Variants in MIOS observed in about 807,000 individuals in gnomAD.
The protein encoded by MIOS is GATOR2 complex protein MIOS.
Under a neutral mutation model 96.9 loss-of-function variants are expected in MIOS, and 52 were observed. The ratio of observed to expected loss-of-function variants is 0.54; its 90% confidence interval spans 0.43 to 0.68. The LOEUF is 0.68. Among genes scored for constraint, MIOS ranks in the 30% least tolerant of loss-of-function variants. MIOS has a pLI of 0.00. For missense variants in MIOS, 1,005 were observed against 1,052.8 expected (o/e 0.95, Z 0.63); for synonymous variants, 397 against 359.5 (o/e 1.10, Z -1.18).
Position 7,588,498 on chromosome 7 carries a change from T to C in MIOS, c.1819T>C (p.Tyr607His). The change falls in exon 8 of 13, where the codon TAT (tyrosine) becomes CAT (histidine). Residue 607 changes from tyrosine (Y) to histidine (H), a missense_variant and splice_region_variant. Tyr to His is a moderately conservative substitution (Grantham distance 83). Transcript: ENST00000340080. ...TCCTTGCTTTTTCTCTTCTTTCCAGTATGAAAACAAAGTTGCAGTACGTGA... is the reference window on the plus strand; with the variant it reads ...TCCTTGCTTTTTCTCTTCTTTCCAGCATGAAAACAAAGTTGCAGTACGTGA... Reference protein sequence around the residue: ...SETGSYDGVLYENKVAVRDRV... With the variant: ...SETGSYDGVLHENKVAVRDRV... 1 of 1,573,204 alleles carries C rather than the reference T, an allele frequency of 6.4e-7. No individual in the cohort carries two copies. The highest frequency in any genetic ancestry group is 8.6e-7 in the Non-Finnish European group (1 of 1,157,658).
intron 5 of MIOS, among the ~76,000 whole-genome samples, chr7:7,574,426 T>C (rs1416320450): frequency 6.6e-6 from 1 of 152,184 alleles, no homozygotes; most frequent in East Asian, 1.9e-4. Flanking sequence ...GTTGATCTTC[T>C]TAAATCTATC....
chr7:7,573,598 T>C lies in MIOS; in HGVS notation c.1123T>C (p.Tyr375His). ...SLMWACGRHL[Y>H]ECTEEENDNS... ...AATGTGGGCTTGTGGTCGTCATTTA[T>C]ATGAATGTACGGAAGAAGAAAATGA... is the stretch of plus-strand genomic sequence containing the variant. The change falls in exon 4 of 13, where the codon TAT becomes CAT. Residue 375 changes from tyrosine (Y) to histidine (H), a missense_variant. Tyr to His is a moderately conservative substitution (Grantham distance 83). Transcript: ENST00000340080. This position sits in a 1 kb window ranked among gnomAD's most constrained non-coding sequence, Gnocchi z 5.0. 1 of 1,614,104 alleles carries C rather than the reference T, an allele frequency of 6.2e-7. No homozygotes were observed.
chr7:7,597,657 TATATAC>T (rs199759280), intron 11 of MIOS, among the ~76,000 whole-genome samples: 3,906 of 151,578 alleles, frequency 0.026, 85 homozygotes, highest in Non-Finnish European at 0.038. Context: ...CAATTTGGAA[TATATAC>T]ATATACACAC....
At chr7:7,590,521 G>C (rs528727431) in intron 9 of MIOS, among the ~76,000 whole-genome samples, 2 of 152,270 alleles carry the variant, frequency 1.3e-5, no homozygotes, top group Admixed American at 1.3e-4. Flanking sequence ...AATCCAGTCT[G>C]ATAATTGCTG....
At chr7:7,585,030 G>A (rs1324531881) in intron 6 of MIOS, among the ~76,000 whole-genome samples, 1 of 152,066 alleles carries the variant, frequency 6.6e-6, no homozygotes, top group Non-Finnish European at 1.5e-5. Context: ...TCTGCACTTT[G>A]CATTGACACT....
At position 7,605,930 on chromosome 7, in the gene MIOS, ATT is replaced by A; in HGVS notation, c.2402-9_2402-8del. On this transcript the variant is annotated splice_polypyrimidine_tract_variant and intron_variant, in intron 11 of 12. Coordinates refer to ENST00000340080, the MANE Select transcript of MIOS (RefSeq NM_019005.4). ...TGATATAGTTAATGAAGATCATTTT[ATT>A]TTGTCATAGGAGGAACCAAATCAGA... is the stretch of plus-strand genomic sequence containing the variant. 1.2e-6 allele frequency: 2 copies of A among 1,609,954 alleles called. No homozygotes were observed. Among genetic ancestry groups the A allele is most frequent in the South Asian group, 2.2e-5 (2 of 90,498 alleles).
In MIOS at chr7:7,595,125, T is replaced by C. The variant is rs765700105; in HGVS notation, c.2189T>C (p.Leu730Ser). The stretch of plus-strand genomic sequence containing the variant: ...AAGTTGGATCCCAGTTCCAAGCCTT[T>C]AGCACAAGTAAGTACATTGTTTTGG... ...RSKLDPSSKPLAQVFVSCNFC... is the reference protein window; with the variant it reads ...RSKLDPSSKPSAQVFVSCNFC... Residue 730 changes from leucine to serine, a missense_variant, in exon 10 of 13, where the codon TTA becomes TCA. Leu to Ser is a moderately radical substitution (Grantham distance 145). This residue lies in a region of MIOS where 865 missense variants were observed against 887.9 expected (regional missense o/e 0.97). Coordinates refer to ENST00000340080, the MANE Select transcript of MIOS (RefSeq NM_019005.4). The C allele has an allele frequency of 6.8e-6, 11 of 1,610,222 alleles. No individual in the cohort carries two copies. In the East Asian group the frequency reaches 2.2e-4, roughly 33 times the overall value.
intron 9 of MIOS, among the ~76,000 whole-genome samples, chr7:7,592,616 C>G (rs1784080752): frequency 6.6e-6 from 1 of 151,994 alleles, no homozygotes; most frequent in Non-Finnish European, 1.5e-5. Context: ...ATGGTCCCAT[C>G]TGGGGATGAT....
At position 7,585,817 on chromosome 7, in the gene MIOS, T is replaced by G; in HGVS notation, c.1818+12T>G. ...ACGATGGAGTTTTGGTAAGCTAACT[T>G]GTTTTTTAAGATCTTCCTTTGAATT... On this transcript the variant is annotated intron_variant, in intron 7 of 12. Coordinates refer to ENST00000340080, the MANE Select transcript of MIOS (RefSeq NM_019005.4). 6.3e-7 allele frequency: 1 copy of G among 1,587,230 alleles called. No homozygotes were observed. The highest frequency in any genetic ancestry group is 1.2e-5 in the South Asian group (1 of 85,866).
chr7:7,591,228 G>C (rs1784039595), intron 9 of MIOS, among the ~76,000 whole-genome samples: 1 of 149,796 alleles, frequency 6.7e-6, no homozygotes, highest in Non-Finnish European at 1.5e-5. Context: ...TCTGGCCTCT[G>C]TTGTTTCTGA....
chr7:7,590,726 T>A (rs1241681150), intron 9 of MIOS, among the ~76,000 whole-genome samples: 1 of 152,214 alleles, frequency 6.6e-6, no homozygotes. Context: ...CTTTTCATTA[T>A]CTTTTTTAAA....
chr7:7,579,934 A>G (rs73674591), intron 5 of MIOS, among the ~76,000 whole-genome samples: 2 of 152,332 alleles, frequency 1.3e-5, no homozygotes, highest in South Asian at 4.1e-4. Flanking sequence ...ATTGTTCTCT[A>G]TTCTGTTCCA....
Position 7,607,841 on chromosome 7 carries a change from C to A in MIOS, c.*749C>A, listed in dbSNP as rs1784572752. On this transcript the variant is annotated 3_prime_UTR_variant, in exon 13 of 13. Coordinates refer to ENST00000340080, the MANE Select transcript of MIOS (RefSeq NM_019005.4). ...ATTTCAGGTGAACATACAAAATTTT[C>A]ACTTTCTACCTTTTGCCTTCCAATG... The A allele has an allele frequency of 6.6e-6, 1 of 152,116 alleles. No homozygotes were observed. The highest frequency in any genetic ancestry group is 2.1e-4 in the South Asian group (1 of 4,834). 9.4% of individuals were successfully genotyped at this position (152,116 alleles called of 1,614,324 possible).
intron 11 of MIOS, among the ~76,000 whole-genome samples, chr7:7,603,051 C>A (rs567561509): frequency 6.6e-6 from 1 of 152,062 alleles, no homozygotes; most frequent in African/African-American, 2.4e-5. Context: ...CTTCCTTACA[C>A]CTTATACAAA....
chr7:7,572,761 C>G lies in MIOS; in HGVS notation c.286C>G (p.His96Asp). The change falls in exon 4 of 13, where the codon CAT becomes GAT. Residue 96 changes from histidine (H) to aspartate (D), a missense_variant. His to Asp is a moderately conservative substitution (Grantham distance 81). Around this residue, in one of 3 missense-constraint regions of MIOS, gnomAD observed 137 missense variants for 148.6 expected, o/e 0.92. Coordinates refer to ENST00000340080, the MANE Select transcript of MIOS (RefSeq NM_019005.4). This position sits in a 1 kb window ranked among gnomAD's most constrained non-coding sequence, Gnocchi z 4.8. ...RVVLTSLGQD[H>D]NSKFKDLIGK... ...TGTACTTACAAGCCTTGGTCAAGAT[C>G]ATAACTCAAAGTTCAAAGATTTGAT... 6.2e-7 allele frequency: 1 copy of G among 1,614,106 alleles called. No homozygotes were observed. Among genetic ancestry groups the G allele is most frequent in the Middle Eastern group, 1.6e-4 (1 of 6,062 alleles).
At chr7:7,583,422 T>A (rs370742674) in intron 6 of MIOS, 50 bp downstream of exon 6, 20 of 1,468,426 alleles carry the variant, frequency 1.4e-5, no homozygotes, top group Non-Finnish European at 1.7e-5. Context: ...ATGTTAGCAG[T>A]TCATGGAATC....
At chr7:7,580,694 CTT>C (rs377207804) in intron 5 of MIOS, among the ~76,000 whole-genome samples, 2 of 129,970 alleles carry the variant, frequency 1.5e-5, no homozygotes. Flanking sequence ...ACTATTTTAC[CTT>C]TTTTTTTTTT....
intron 5 of MIOS, among the ~76,000 whole-genome samples, chr7:7,576,093 G>T (rs911981612): frequency 1.3e-5 from 2 of 152,120 alleles, no homozygotes; most frequent in Admixed American, 1.3e-4. Context: ...GTTTATTAGA[G>T]CATACAGCTA....
At chr7:7,606,599 C>T (rs1784537677) in intron 12 of MIOS, among the ~76,000 whole-genome samples, 1 of 152,106 alleles carries the variant, frequency 6.6e-6, no homozygotes, top group African/African-American at 2.4e-5. Context: ...TGAGCACATC[C>T]CTGTCACCTT....
Sources: allele counts gnomAD v4.1 joint callset (sites outside exome capture counted in the v4.1 genomes callset), GRCh38; gene constraint gnomAD v4.1.1; regional missense constraint gnomAD v4.1.1; non-coding constraint Gnocchi (gnomAD v3.1); transcripts MANE v1.5; gene names NCBI Gene and HGNC (gene_info 2026-07-23, HGNC 2026-07-21).